Variants in STXBP5 observed in about 807,000 individuals in gnomAD.
The protein encoded by STXBP5 is syntaxin binding protein 5.
Under a neutral mutation model 152.4 loss-of-function variants are expected in STXBP5, and 50 were observed. That is an observed-to-expected ratio of 0.33 (90% confidence interval 0.26 to 0.42). The LOEUF is 0.42. STXBP5 is among the 10% of genes least tolerant of loss of function. The pLI, the probability that STXBP5 is intolerant of heterozygous loss-of-function variation, is 1.00. For synonymous variants in STXBP5, 492 were observed against 494.7 expected (o/e 0.99, Z 0.07); for missense variants, 1,167 against 1,388.6 (o/e 0.84, Z 2.54).
chr6:147,360,111 C>T (rs887818157), intron 23 of STXBP5, among the ~76,000 whole-genome samples: 2 of 152,108 alleles, frequency 1.3e-5, no homozygotes, highest in Admixed American at 6.5e-5. Flanking sequence ...CATCTCACAC[C>T]AGTTAGAATG....
chr6:147,286,253 G>A (rs1193098836), intron 8 of STXBP5, among the ~76,000 whole-genome samples: 1 of 152,018 alleles, frequency 6.6e-6, no homozygotes, highest in Non-Finnish European at 1.5e-5. Flanking sequence ...CCTGTAAATT[G>A]GGCTGCTAGA....
At chr6:147,345,874 C>T (rs759653035) in intron 21 of STXBP5, among the ~76,000 whole-genome samples, 22 of 152,134 alleles carry the variant, frequency 1.4e-4, no homozygotes, top group South Asian at 4.1e-4. Context: ...GGTATAACTT[C>T]GTTATTCCTA....
At chr6:147,249,205 G>A (rs956446583) in intron 4 of STXBP5, among the ~76,000 whole-genome samples, 2 of 151,866 alleles carry the variant, frequency 1.3e-5, no homozygotes, top group Non-Finnish European at 2.9e-5. Flanking sequence ...ATAATAAATG[G>A]GTATTCTTTT....
chr6:147,255,455 A>G (rs1268440626), intron 4 of STXBP5, among the ~76,000 whole-genome samples: 1 of 152,178 alleles, frequency 6.6e-6, no homozygotes, highest in Non-Finnish European at 1.5e-5. Context: ...TCAAGAACAA[A>G]TAAGGCAAGA....
intron 4 of STXBP5, among the ~76,000 whole-genome samples, chr6:147,259,245 A>G (rs1258578982): frequency 6.6e-6 from 1 of 152,190 alleles, no homozygotes; most frequent in Non-Finnish European, 1.5e-5. Flanking sequence ...TCTGGAAAAC[A>G]TAGTGATGCT....
At position 147,204,580 on chromosome 6, in the gene STXBP5, C is replaced by G; in HGVS notation, c.48C>G (p.Gly16=). 2 of 1,609,714 alleles carry G rather than the reference C, an allele frequency of 1.2e-6. No individual in the cohort carries two copies. Among genetic ancestry groups the G allele is most frequent in the Non-Finnish European group, 1.7e-6 (2 of 1,178,208 alleles). Residue 16 remains glycine, a synonymous_variant, in exon 1 of 28, where the codon GGC becomes GGG. Coordinates refer to ENST00000321680, the MANE Select transcript of STXBP5 (RefSeq NM_001127715.4). The surrounding 1 kb of genome is among the most constrained non-coding windows in gnomAD (Gnocchi z 4.3). The part of the protein sequence containing the change: ...IRKVLDGLTA[G]SSSASQQQQQ... ...AGGTGCTGGACGGCCTGACCGCCGGCTCGTCCTCGGCGTCGCAGCAGCAAC... is the reference window on the plus strand; with the variant it reads ...AGGTGCTGGACGGCCTGACCGCCGGGTCGTCCTCGGCGTCGCAGCAGCAAC...
chr6:147,334,130 G>T, intron 18 of STXBP5, 27 bp from the exon 19 acceptor site: 1 of 1,606,472 alleles, frequency 6.2e-7, no homozygotes, highest in South Asian at 1.1e-5. Context: ...TGTATGGGTT[G>T]ATTTGTTTTT....
At chr6:147,359,387 G>A (rs1275712817) in intron 23 of STXBP5, 64 bp downstream of exon 23, 1 of 1,539,156 alleles carries the variant, frequency 6.5e-7, no homozygotes, top group African/African-American at 1.4e-5. Context: ...AGAAGCCTTT[G>A]TTTTTCATTC....
In STXBP5 at chr6:147,310,212, C is replaced by T. The variant is rs371266728; in HGVS notation, c.1046C>T (p.Thr349Met). 54 of 1,590,704 alleles carry T rather than the reference C, an allele frequency of 3.4e-5. No individual in the cohort carries two copies. The highest frequency in any genetic ancestry group is 3.7e-5 in the Non-Finnish European group (43 of 1,172,568). Reference protein sequence around the residue: ...EMDYSIVDFLTLCETPYPNDF... With the variant: ...EMDYSIVDFLMLCETPYPNDF... The stretch of plus-strand genomic sequence containing the variant: ...GACTATTCAATTGTTGATTTTCTAA[C>T]GCTGTGTGAAACACCATACCCAAAT... The change falls in exon 10 of 28, where the codon ACG (threonine) becomes ATG (methionine). Residue 349 changes from threonine (T) to methionine (M), a missense_variant. Thr to Met is a moderately conservative substitution (Grantham distance 81). Transcript: ENST00000321680.
At chr6:147,233,208 T>C (rs1778092943) in intron 2 of STXBP5, among the ~76,000 whole-genome samples, 1 of 151,812 alleles carries the variant, frequency 6.6e-6, no homozygotes, top group Non-Finnish European at 1.5e-5. Context: ...GTCAGTCACT[T>C]AAAATTTCCC....
At chr6:147,303,775 A>T (rs953553151) in intron 9 of STXBP5, among the ~76,000 whole-genome samples, 1 of 152,200 alleles carries the variant, frequency 6.6e-6, no homozygotes, top group Middle Eastern at 3.2e-3. Flanking sequence ...TGGACAGTGA[A>T]GTCCAGGCTG....
intron 8 of STXBP5, among the ~76,000 whole-genome samples, chr6:147,286,845 T>C (rs890412541): frequency 6.6e-6 from 1 of 152,004 alleles, no homozygotes; most frequent in African/African-American, 2.4e-5. Flanking sequence ...TCTCCTTTCT[T>C]GTCCCACCAG....
intron 22 of STXBP5, among the ~76,000 whole-genome samples, chr6:147,354,751 C>G (rs1172126933): frequency 6.6e-6 from 1 of 152,150 alleles, no homozygotes; most frequent in African/African-American, 2.4e-5. Context: ...AAAGTATGTA[C>G]TCCATGCTTT....
At position 147,287,733 on chromosome 6, in the gene STXBP5, C is replaced by T. The variant is rs555430538; in HGVS notation, c.839-3361C>T. Among the ~76,000 whole-genome samples the T allele has an allele frequency of 1.2e-4, 19 of 152,248 alleles. 1 individual carries two copies. The South Asian group carries it at 3.7e-3, about 30-fold the overall frequency. ...ACATTGCAAATTATGCTGCAGCTAC[C>T]ATCTTTGTACATATGCCATAGGAAT... On this transcript the variant is annotated intron_variant, in intron 8 of 27. Transcript: ENST00000321680.
At position 147,314,687 on chromosome 6, in the gene STXBP5, T is replaced by C. The variant is rs769218877; in HGVS notation, c.1402+51T>C. On this transcript the variant is annotated intron_variant, in intron 14 of 27. Transcript: ENST00000321680. Reference sequence around the variant, plus strand: ...TGTTATATGTTATACAATCACTGCTTTTATGCATCCTGTTTTATAATAATT... The same window carrying C: ...TGTTATATGTTATACAATCACTGCTCTTATGCATCCTGTTTTATAATAATT... 4.4e-6 allele frequency: 6 copies of C among 1,355,390 alleles called. No homozygotes were observed. The African/African-American group carries it at 7.3e-5, about 17-fold the overall frequency. The allele number at this position is 1,355,390 out of a possible 1,614,324, so 84.0% of individuals were successfully genotyped here. A position where few individuals can be genotyped will look rare whatever the true frequency, so the allele number is the denominator to read the frequency against.
rs1466068266 is a variant in STXBP5, at chr6:147,276,881, G to A, written c.715-1200G>A. Among the ~76,000 whole-genome samples, 4 of 152,166 alleles carry A rather than the reference G, an allele frequency of 2.6e-5. No individual in the cohort carries two copies. In the South Asian group the frequency reaches 8.3e-4, roughly 32 times the overall value. On this transcript the variant is annotated intron_variant, in intron 7 of 27. Transcript: ENST00000321680. ...CGTAATAAGTAAAGGAGCTCCTTAGGAATTAGAATCGATTATGGTTTCTAC... is the reference window on the plus strand; with the variant it reads ...CGTAATAAGTAAAGGAGCTCCTTAGAAATTAGAATCGATTATGGTTTCTAC...
At chr6:147,362,149 TG>T (rs927691842) in intron 23 of STXBP5, among the ~76,000 whole-genome samples, 11 of 152,140 alleles carry the variant, frequency 7.2e-5, no homozygotes, top group African/African-American at 2.7e-4. Flanking sequence ...AATTGAAATA[TG>T]TGCTCAATAG....
chr6:147,334,213 C>A lies in STXBP5; in HGVS notation c.2137C>A (p.Pro713Thr). 1 of 1,611,730 alleles carries A rather than the reference C, an allele frequency of 6.2e-7. No individual in the cohort carries two copies. Among genetic ancestry groups the A allele is most frequent in the Non-Finnish European group, 8.5e-7 (1 of 1,178,978 alleles). Reference sequence around the variant, plus strand: ...TGTTCCAGAGGATCGCTGCAAATCTCCAACCTCTGGTAATTTGGTTTTTTT... The same window carrying A: ...TGTTCCAGAGGATCGCTGCAAATCTACAACCTCTGGTAATTTGGTTTTTTT... ...TVVPEDRCKS[P>T]TSGSSSPHNS... The change falls in exon 19 of 28, where the codon CCA (proline) becomes ACA (threonine). Residue 713 changes from proline to threonine, a missense_variant. Transcript: ENST00000321680.
At position 147,353,396 on chromosome 6, in the gene STXBP5, A is replaced by G. The variant is rs751111426; in HGVS notation, c.2305+23A>G. The G allele has an allele frequency of 4.0e-6, 6 of 1,492,200 alleles. No individual in the cohort carries two copies. In the Admixed American group the frequency reaches 1.2e-4, roughly 29 times the overall value. 92.4% of individuals were successfully genotyped at this position (1,492,200 alleles called of 1,614,324 possible). ...TAGGTAAGTAAAATAAATATTCAAAATAATTTAACTCCCTATAATGGGAAG... is the reference window on the plus strand; with the variant it reads ...TAGGTAAGTAAAATAAATATTCAAAGTAATTTAACTCCCTATAATGGGAAG... On this transcript the variant is annotated intron_variant, in intron 22 of 27. Transcript: ENST00000321680.
Sources: allele counts gnomAD v4.1 joint callset (sites outside exome capture counted in the v4.1 genomes callset), GRCh38; gene constraint gnomAD v4.1.1; non-coding constraint Gnocchi (gnomAD v3.1); transcripts MANE v1.5; gene names NCBI Gene and HGNC (gene_info 2026-07-23, HGNC 2026-07-21).